WARS2: variants seen among roughly 807,000 people sequenced by gnomAD.
WARS2 encodes tryptophanyl tRNA synthetase 2, mitochondrial.
WARS2 carries 28 observed loss-of-function variants against 36.5 expected under a neutral mutation model. That is an observed-to-expected ratio of 0.77 (90% CI 0.57 to 1.05). The LOEUF (loss-of-function observed/expected upper bound fraction) is 1.05. Ranked by LOEUF, WARS2 falls within the 50% of genes least tolerant of loss-of-function variation. The pLI is 0.00. For synonymous variants in WARS2, 174 were observed against 178.4 expected (o/e 0.98, Z 0.20); for missense variants, 435 against 456.8 (o/e 0.95, Z 0.44).
chr1:119,101,734 C>T (rs998763880), intron 1 of WARS2, among the ~76,000 whole-genome samples: 1 of 152,062 alleles, frequency 6.6e-6, no homozygotes, highest in Admixed American at 6.6e-5. Context: ...TGAACTATCT[C>T]AAAGTTACTG....
intron 1 of WARS2, among the ~76,000 whole-genome samples, chr1:119,139,266 A>C (rs1656757558): frequency 6.6e-6 from 1 of 152,220 alleles, no homozygotes; most frequent in Non-Finnish European, 1.5e-5. Flanking sequence ...GTTTGCTGAC[A>C]AGCAGCTTTC....
chr1:119,112,419 C>T (rs1038379815), intron 1 of WARS2, among the ~76,000 whole-genome samples: 3 of 152,034 alleles, frequency 2.0e-5, no homozygotes, highest in African/African-American at 7.2e-5. Flanking sequence ...ATGGAAATTA[C>T]CCAGCAGAGA....
chr1:119,094,133 T>C (rs1005302125), intron 1 of WARS2, among the ~76,000 whole-genome samples: 13 of 152,338 alleles, frequency 8.5e-5, no homozygotes, highest in African/African-American at 2.6e-4. Context: ...CACATTTGCA[T>C]TGATTCCATA....
chr1:119,048,764 C>T (rs1424502793), intron 2 of WARS2, among the ~76,000 whole-genome samples: 1 of 152,010 alleles, frequency 6.6e-6, no homozygotes, highest in Non-Finnish European at 1.5e-5. Flanking sequence ...CGTCCTGTGC[C>T]TATAAAAACC....
chr1:119,074,094 A>G (rs1022687270), intron 2 of WARS2, among the ~76,000 whole-genome samples: 1 of 152,240 alleles, frequency 6.6e-6, no homozygotes, highest in African/African-American at 2.4e-5. Context: ...TTGTATTAAA[A>G]ACAGCTTAGA....
At chr1:119,119,732 A>G (rs995514521) in intron 1 of WARS2, among the ~76,000 whole-genome samples, 2 of 152,162 alleles carry the variant, frequency 1.3e-5, no homozygotes, top group African/African-American at 4.8e-5. Flanking sequence ...CAGTGGAATA[A>G]TACTGGAAAT....
chr1:119,090,989 T>C (rs1653006621), intron 1 of WARS2, among the ~76,000 whole-genome samples: 1 of 152,182 alleles, frequency 6.6e-6, no homozygotes, highest in Non-Finnish European at 1.5e-5. Context: ...GGAATGTTGG[T>C]TATTACCATT....
At chr1:119,127,753 T>G (rs1655773793) in intron 1 of WARS2, among the ~76,000 whole-genome samples, 1 of 152,324 alleles carries the variant, frequency 6.6e-6, no homozygotes, top group Non-Finnish European at 1.5e-5. Flanking sequence ...TTCAATCATT[T>G]GCTCTGGACT....
chr1:119,126,747 T>C, intron 1 of WARS2: 1 of 736,496 alleles, frequency 1.4e-6, no homozygotes, highest in East Asian at 2.5e-5. Flanking sequence ...CTTTTCTATG[T>C]CTTTTCCAAT....
chr1:119,084,270 G>T (rs1652446788), intron 1 of WARS2, among the ~76,000 whole-genome samples: 2 of 152,096 alleles, frequency 1.3e-5, no homozygotes. Context: ...GCTAGGGATG[G>T]GGAGGAGGGA....
At chr1:119,058,043 C>T (rs997599753) in intron 2 of WARS2, among the ~76,000 whole-genome samples, 6 of 152,224 alleles carry the variant, frequency 3.9e-5, no homozygotes, top group Non-Finnish European at 5.9e-5. Context: ...TCCTAAAGGC[C>T]TGGAAAATTT....
chr1:119,037,883 T>C (rs1326998322), intron 4 of WARS2, among the ~76,000 whole-genome samples: 2 of 152,246 alleles, frequency 1.3e-5, no homozygotes, highest in African/African-American at 2.4e-5. Context: ...ACTGTCATCA[T>C]CATGGCCCAT....
intron 2 of WARS2, among the ~76,000 whole-genome samples, chr1:119,050,634 G>T (rs1228858400): frequency 6.6e-6 from 1 of 151,962 alleles, no homozygotes; most frequent in Non-Finnish European, 1.5e-5. Flanking sequence ...ATACAAATAA[G>T]TGAGGTAGAT....
At chr1:119,113,326 T>C (rs1401990485) in intron 1 of WARS2, among the ~76,000 whole-genome samples, 1 of 152,128 alleles carries the variant, frequency 6.6e-6, no homozygotes, top group Non-Finnish European at 1.5e-5. Context: ...GTAAGAGTCA[T>C]ATGCCCAAGC....
chr1:119,061,149 A>T lies in WARS2; in HGVS notation c.348+15201T>A, dbSNP rs911683005. On this transcript the variant is annotated intron_variant, in intron 2 of 5. Coordinates refer to ENST00000235521, the MANE Select transcript of WARS2 (RefSeq NM_015836.4). ...CAATTTGTCATTTAAAATATTCAAG[A>T]TACTAGCCAAAATTATTAGACATAT... Among the ~76,000 whole-genome samples, 12 of 152,336 alleles carry T rather than the reference A, an allele frequency of 7.9e-5. No homozygotes were observed. The East Asian group carries it at 2.1e-3, about 27-fold the overall frequency.
intron 2 of WARS2, among the ~76,000 whole-genome samples, chr1:119,060,013 T>C (rs1224995134): frequency 1.3e-5 from 2 of 152,188 alleles, no homozygotes; most frequent in African/African-American, 4.8e-5. Context: ...GGTGATGAAA[T>C]AATCTGTACA....
intron 2 of WARS2, among the ~76,000 whole-genome samples, chr1:119,051,172 C>T (rs950410322): frequency 6.6e-6 from 1 of 152,080 alleles, no homozygotes; most frequent in Admixed American, 6.6e-5. Flanking sequence ...TTCTGCCCTT[C>T]TCCCTCCTCC....
At chr1:119,099,827 T>C (rs1051652281) in intron 1 of WARS2, among the ~76,000 whole-genome samples, 16 of 152,108 alleles carry the variant, frequency 1.1e-4, no homozygotes, top group Admixed American at 9.2e-4. Context: ...AACTTAAACA[T>C]AGACCTGAAA....
intron 3 of WARS2, among the ~76,000 whole-genome samples, chr1:119,044,265 C>T (rs1485185052): frequency 6.6e-6 from 1 of 152,042 alleles, no homozygotes. Flanking sequence ...AAGGCTTTTC[C>T]AGAATATCAG....
Sources: allele counts gnomAD v4.1 joint callset (sites outside exome capture counted in the v4.1 genomes callset), GRCh38; gene constraint gnomAD v4.1.1; transcripts MANE v1.5; gene names NCBI Gene and HGNC (gene_info 2026-07-23, HGNC 2026-07-21).